The following WDFY4 variants were observed in gnomAD, a reference collection of about 807,000 sequenced individuals.
WDFY4 encodes WD repeat- and FYVE domain-containing protein 4.
A neutral mutation model predicts 351.9 loss-of-function variants in WDFY4; 169 were observed. The observed-to-expected ratio is 0.48, with a 90% CI of 0.42 to 0.55. The LOEUF is 0.55. Among genes scored for constraint, WDFY4 ranks in the 20% least tolerant of loss-of-function variants. The pLI is 0.00. For synonymous variants in WDFY4, 1,622 were observed against 1,574.6 expected, an observed-to-expected ratio of 1.03 and a Z score of -0.71; for missense variants, 3,803 against 3,935.6, an observed-to-expected ratio of 0.97 and a Z score of 0.90.
chr10:48,970,927 C>T (rs1842310281), intron 57 of WDFY4, among the ~76,000 whole-genome samples: 1 of 152,164 alleles, frequency 6.6e-6, no homozygotes, highest in South Asian at 2.1e-4. Context: ...CGCAGCGGCA[C>T]TTAACGTTTG....
chr10:48,829,567 C>T (rs933788867), intron 37 of WDFY4, among the ~76,000 whole-genome samples: 10 of 152,098 alleles, frequency 6.6e-5, no homozygotes, highest in South Asian at 2.1e-4. Context: ...ATTGTACACA[C>T]GACCAGGTGC....
chr10:48,839,185 T>C (rs1191138670), intron 39 of WDFY4, among the ~76,000 whole-genome samples: 4 of 152,002 alleles, frequency 2.6e-5, no homozygotes, highest in African/African-American at 9.7e-5. Flanking sequence ...TAGAAAGAAC[T>C]GGTTTGGAAT....
At chr10:48,979,366 G>C (rs916817858) in intron 60 of WDFY4, among the ~76,000 whole-genome samples, 3 of 152,324 alleles carry the variant, frequency 2.0e-5, no homozygotes, top group Admixed American at 2.0e-4. Context: ...ACTTGGAAAG[G>C]CTCTTATTCC....
chr10:48,958,969 G>A (rs1309435671), intron 52 of WDFY4, among the ~76,000 whole-genome samples: 1 of 152,136 alleles, frequency 6.6e-6, no homozygotes, highest in African/African-American at 2.4e-5. Flanking sequence ...CAAGACTGTA[G>A]CTCACATTTA....
chr10:48,720,433 TAC>T, intron 3 of WDFY4, among the ~76,000 whole-genome samples: 1 of 150,310 alleles, frequency 6.7e-6, no homozygotes, highest in South Asian at 2.1e-4. Context: ...ACACAGACAC[TAC>T]ACACAGACAT....
At chr10:48,736,971 T>A (rs897686808) in intron 11 of WDFY4, among the ~76,000 whole-genome samples, 1 of 152,268 alleles carries the variant, frequency 6.6e-6, no homozygotes, top group Admixed American at 6.5e-5. Flanking sequence ...CATCAATTTA[T>A]CTTAAAATAG....
intron 21 of WDFY4, among the ~76,000 whole-genome samples, chr10:48,789,171 C>A (rs370809294): frequency 6.6e-6 from 1 of 152,106 alleles, no homozygotes; most frequent in Non-Finnish European, 1.5e-5. Flanking sequence ...CAGCAGCACC[C>A]AATATTGCTG....
Position 48,955,745 on chromosome 10 carries a change from C to T in WDFY4, c.7978-1384C>T, listed in dbSNP as rs561063093. On this transcript the variant is annotated intron_variant, in intron 51 of 61. Transcript: ENST00000325239. ...GACATGCCAAGAGAAGGCCCCTGCC[C>T]TTTTTTACCTCCACCCACCCCTGCA... Among the ~76,000 whole-genome samples the T allele has an allele frequency of 3.3e-5, 5 of 152,272 alleles. No homozygotes were observed. The South Asian group carries it at 1.0e-3, about 32-fold the overall frequency.
At chr10:48,745,274 A>G (rs2064975155) in intron 12 of WDFY4, among the ~76,000 whole-genome samples, 1 of 152,176 alleles carries the variant, frequency 6.6e-6, no homozygotes, top group African/African-American at 2.4e-5. Context: ...TATCAAGGTG[A>G]GAGAAGGTGG....
intron 39 of WDFY4, among the ~76,000 whole-genome samples, chr10:48,860,191 C>T (rs955788268): frequency 6.6e-6 from 1 of 152,096 alleles, no homozygotes. Flanking sequence ...TTGATTTCTG[C>T]TCTTTATTAT....
chr10:48,820,156 C>T, intron 32 of WDFY4, 78 bp from the exon 33 acceptor site: 1 of 1,461,420 alleles, frequency 6.8e-7, no homozygotes, highest in East Asian at 2.5e-5. Flanking sequence ...ATAATCCGCC[C>T]ATGTACATGG....
intron 1 of WDFY4, among the ~76,000 whole-genome samples, chr10:48,701,494 C>G (rs530367258): frequency 6.6e-6 from 1 of 152,288 alleles, no homozygotes; most frequent in East Asian, 1.9e-4. Context: ...CAATAATAAA[C>G]ATAGTATTTT....
chr10:48,745,695 G>C, intron 12 of WDFY4: 1 of 571,090 alleles, frequency 1.8e-6, no homozygotes, highest in Non-Finnish European at 3.3e-6. Context: ...TCACTGCCTG[G>C]TACTTCCAGC....
At chr10:48,789,755 T>C (rs1234521440) in intron 21 of WDFY4, 119 bp from the exon 22 acceptor site, 39 of 840,684 alleles carry the variant, frequency 4.6e-5, no homozygotes, top group Middle Eastern at 4.5e-4. Flanking sequence ...TCCATGATCA[T>C]TGCTGATGGA....
At chr10:48,961,478 A>C (rs1841857745) in intron 53 of WDFY4, among the ~76,000 whole-genome samples, 1 of 152,230 alleles carries the variant, frequency 6.6e-6, no homozygotes, top group Non-Finnish European at 1.5e-5. Context: ...GCATGTGAAC[A>C]CCCAGAAAGG....
intron 39 of WDFY4, among the ~76,000 whole-genome samples, chr10:48,855,500 A>G (rs983825048): frequency 5.3e-5 from 8 of 152,152 alleles, no homozygotes; most frequent in African/African-American, 1.9e-4. Flanking sequence ...TCACAGTGGT[A>G]GGGCAACAGT....
At chr10:48,873,362 T>G (rs1589790334) in intron 40 of WDFY4, 129 bp from the exon 41 acceptor site, 2 of 1,020,076 alleles carry the variant, frequency 2.0e-6, no homozygotes, top group South Asian at 3.4e-5. Flanking sequence ...ATTCTGAGGG[T>G]GTAGAGAGAA....
chr10:48,805,334 C>T lies in WDFY4; in HGVS notation c.4559C>T (p.Pro1520Leu), dbSNP rs778590499. 35 of 1,548,532 alleles carry T rather than the reference C, an allele frequency of 2.3e-5. No homozygotes were observed. The highest frequency in any genetic ancestry group is 1.7e-4 in the Middle Eastern group (1 of 6,018). Residue 1520 changes from proline (P) to leucine (L), a missense_variant, in exon 26 of 62, where the codon CCG becomes CTG. Around this residue, in one of 3 missense-constraint regions of WDFY4, gnomAD observed 3,054 missense variants for 3,148.6 expected, o/e 0.97. Transcript: ENST00000325239. ...IPKLIFLFNE[P>L]SLIPSKISTI... Reference sequence around the variant, plus strand: ...AAGCTCATCTTCCTATTCAATGAGCCGAGCCTCATCCCCTCCAAGATCTCC... The same window carrying T: ...AAGCTCATCTTCCTATTCAATGAGCTGAGCCTCATCCCCTCCAAGATCTCC...
intron 47 of WDFY4, chr10:48,910,742 T>C (rs187272475): frequency 1.6e-3 from 267 of 167,626 alleles, no homozygotes; most frequent in Middle Eastern, 3.1e-3. Context: ...CAAAGCATGA[T>C]AAAGCCCCAG....
Sources: gnomAD v4.1 joint callset for allele counts (sites outside exome capture counted in the v4.1 genomes callset) on GRCh38, gnomAD v4.1.1 for gene constraint, gnomAD v4.1.1 regional missense constraint, MANE v1.5 for transcripts, NCBI Gene and HGNC (gene_info 2026-07-23, HGNC 2026-07-21) for gene names.